The following SH3PXD2B variants were observed in gnomAD, a reference collection of about 807,000 sequenced individuals.
The protein encoded by SH3PXD2B is SH3 and PX domain-containing protein 2B.
A neutral mutation model predicts 73.1 loss-of-function variants in SH3PXD2B; 37 were observed. The observed-to-expected ratio is 0.51, with a 90% CI of 0.39 to 0.67. The LOEUF (loss-of-function observed/expected upper bound fraction) is 0.67. SH3PXD2B is among the 30% of genes least tolerant of loss of function. The pLI, the probability that SH3PXD2B is intolerant of heterozygous loss-of-function variation, is 0.00. For synonymous variants in SH3PXD2B, 457 were observed against 480.5 expected, an observed-to-expected ratio of 0.95 and a Z score of 0.64; for missense variants, 1,053 against 1,197.8, an observed-to-expected ratio of 0.88 and a Z score of 1.78.
chr5:172,454,453 A>T lies in SH3PXD2B; in HGVS notation c.-101T>A. 1.6e-6 allele frequency: 1 copy of T among 627,772 alleles called. No individual in the cohort carries two copies. Among genetic ancestry groups the T allele is most frequent in the Non-Finnish European group, 2.1e-6 (1 of 477,538 alleles). 38.9% of individuals were successfully genotyped at this position (627,772 alleles called of 1,614,324 possible). Reference sequence around the variant, plus strand: ...GCCGCGGGCAGGGAACCTGGAGCTGAGCGCAATCGCAGCCGGGGCCGAGCA... The same window carrying T: ...GCCGCGGGCAGGGAACCTGGAGCTGTGCGCAATCGCAGCCGGGGCCGAGCA... On this transcript the variant is annotated 5_prime_UTR_variant, in exon 1 of 13. Coordinates refer to ENST00000311601, the MANE Select transcript of SH3PXD2B (RefSeq NM_001017995.3).
chr5:172,424,348 G>C (rs1164320852), intron 1 of SH3PXD2B, among the ~76,000 whole-genome samples: 2 of 152,200 alleles, frequency 1.3e-5, no homozygotes, highest in Non-Finnish European at 2.9e-5. Flanking sequence ...GGAGAGGAAG[G>C]CAGTGGCTGT....
chr5:172,360,974 C>A (rs1561903844), intron 7 of SH3PXD2B, among the ~76,000 whole-genome samples: 2 of 152,136 alleles, frequency 1.3e-5, no homozygotes, highest in African/African-American at 2.4e-5. Flanking sequence ...GAACATGGCT[C>A]ACTCGGGCAC....
intron 8 of SH3PXD2B, among the ~76,000 whole-genome samples, 157 bp downstream of exon 8, chr5:172,358,616 C>A (rs910386373): frequency 6.6e-6 from 1 of 152,242 alleles, no homozygotes; most frequent in Admixed American, 6.5e-5. Flanking sequence ...AATACCATGG[C>A]CTGGTTTCTG....
chr5:172,372,545 A>C (rs556448266), intron 6 of SH3PXD2B, among the ~76,000 whole-genome samples: 1 of 152,174 alleles, frequency 6.6e-6, no homozygotes, highest in Non-Finnish European at 1.5e-5. Context: ...GTGAGAATGA[A>C]CTAATATACT....
At chr5:172,434,299 G>A (rs147740142) in intron 1 of SH3PXD2B, among the ~76,000 whole-genome samples, 247 of 152,208 alleles carry the variant, frequency 1.6e-3, no homozygotes, top group African/African-American at 5.7e-3. Context: ...ATCAAGCTTA[G>A]AGGCTCTTGA....
In SH3PXD2B at chr5:172,421,431, A is replaced by G. The variant is rs188193779; in HGVS notation, c.156+985T>C. 5.4e-3 allele frequency among the ~76,000 whole-genome samples: 817 copies of G among 152,334 alleles called. 5 individuals carry two copies. The highest frequency in any genetic ancestry group is 0.018 in the African/African-American group (760 of 41,574). ...TTCATTCACCAAACACTGACTGGAC[A>G]TATACTGTGTGTTAGGCCTTGAATA... On this transcript the variant is annotated intron_variant, in intron 2 of 12. Coordinates refer to ENST00000311601, the MANE Select transcript of SH3PXD2B (RefSeq NM_001017995.3). This position sits in a 1 kb window ranked among gnomAD's most constrained non-coding sequence, Gnocchi z 4.0.
Position 172,405,412 on chromosome 5 carries a change from C to T in SH3PXD2B, c.232+865G>A, listed in dbSNP as rs79146399. ...TTAAAAGCAGACAGCTTTCCCTGAC[C>T]GGTGGCAGAAGGCAAAGTCAGAGGG... On this transcript the variant is annotated intron_variant, in intron 3 of 12. Coordinates refer to ENST00000311601, the MANE Select transcript of SH3PXD2B (RefSeq NM_001017995.3). 4.3e-3 allele frequency among the ~76,000 whole-genome samples: 656 copies of T among 152,302 alleles called. 4 individuals are homozygous for T. The highest frequency in any genetic ancestry group is 5.2e-3 in the Non-Finnish European group (354 of 68,034).
chr5:172,449,034 C>T (rs1295398256), intron 1 of SH3PXD2B, among the ~76,000 whole-genome samples: 2 of 152,208 alleles, frequency 1.3e-5, no homozygotes, highest in African/African-American at 4.8e-5. Flanking sequence ...AGGGCGCAAT[C>T]TACTCTTCCA....
intron 1 of SH3PXD2B, among the ~76,000 whole-genome samples, chr5:172,436,504 T>C (rs1247946373): frequency 6.6e-6 from 1 of 152,180 alleles, no homozygotes; most frequent in Non-Finnish European, 1.5e-5. Flanking sequence ...CTTTGTTCTA[T>C]AGTTAGGGAC....
chr5:172,330,520 T>C (rs527498897), downstream of SH3PXD2B, among the ~76,000 whole-genome samples: 58 of 152,294 alleles, frequency 3.8e-4, no homozygotes, highest in African/African-American at 1.4e-3. Flanking sequence ...GTAAACCCCC[T>C]CTCAGACATT....
At chr5:172,399,272 G>A (rs1001845185) in intron 3 of SH3PXD2B, among the ~76,000 whole-genome samples, 31 of 152,294 alleles carry the variant, frequency 2.0e-4, no homozygotes, top group African/African-American at 6.3e-4. Flanking sequence ...TCCTGAGGCC[G>A]TTACAGTGTT....
intron 3 of SH3PXD2B, among the ~76,000 whole-genome samples, chr5:172,405,342 GAGGGAGA>G (rs1216495317): frequency 1.3e-5 from 2 of 152,248 alleles, no homozygotes; most frequent in Non-Finnish European, 2.9e-5. Flanking sequence ...CACTTTAGAA[GAGGGAGA>G]TTATCCTGGA....
At chr5:172,381,621 T>C (rs568767616) in intron 5 of SH3PXD2B, among the ~76,000 whole-genome samples, 1 of 152,242 alleles carries the variant, frequency 6.6e-6, no homozygotes, top group African/African-American at 2.4e-5. Flanking sequence ...CCCGGCCCCG[T>C]TGCTCACCGG....
chr5:172,364,206 C>T (rs1757459078), intron 6 of SH3PXD2B, among the ~76,000 whole-genome samples: 1 of 152,128 alleles, frequency 6.6e-6, no homozygotes, highest in Non-Finnish European at 1.5e-5. Flanking sequence ...AAGCGGGCAG[C>T]TGGGTGACTT....
At chr5:172,370,757 AAACT>A (rs1757683902) in intron 6 of SH3PXD2B, among the ~76,000 whole-genome samples, 1 of 152,200 alleles carries the variant, frequency 6.6e-6, no homozygotes, top group South Asian at 2.1e-4. Flanking sequence ...CAACTTATTG[AAACT>A]GATGAAAAAA....
At position 172,362,838 on chromosome 5, in the gene SH3PXD2B, G is replaced by A; in HGVS notation, c.459C>T (p.Val153=). The change falls in exon 7 of 13, where the codon GTC becomes GTT. Residue 153 remains valine, a synonymous_variant. Coordinates refer to ENST00000311601, the MANE Select transcript of SH3PXD2B (RefSeq NM_001017995.3). ...GGDQTSVDPM[V]LEQYVVVANY... ...TGGCTACCACCACATACTGCTCCAG[G>A]ACCATGGGGTCCACTGAGGTTTGGT... is the stretch of plus-strand genomic sequence containing the variant. 6.2e-7 allele frequency: 1 copy of A among 1,614,180 alleles called. No individual in the cohort carries two copies. Among genetic ancestry groups the A allele is most frequent in the Non-Finnish European group, 8.5e-7 (1 of 1,180,042 alleles).
At chr5:172,354,126 C>G (rs993158179) in intron 8 of SH3PXD2B, 121 bp from the exon 9 acceptor site, 35 of 946,330 alleles carry the variant, frequency 3.7e-5, no homozygotes, top group Admixed American at 3.0e-4. Flanking sequence ...CTGGGCACCC[C>G]CCCTGGCCCT....
At chr5:172,366,324 T>A (rs1375394100) in intron 6 of SH3PXD2B, among the ~76,000 whole-genome samples, 1 of 152,174 alleles carries the variant, frequency 6.6e-6, no homozygotes, top group Non-Finnish European at 1.5e-5. Flanking sequence ...CTGGTCTCTG[T>A]CCTGCCCCTC....
chr5:172,348,654 C>CTATCTATCTTAT, intron 10 of SH3PXD2B, among the ~76,000 whole-genome samples: 1 of 60,450 alleles, frequency 1.7e-5, no homozygotes, highest in South Asian at 7.4e-4. Context: ...ATCTATCTAT[C>CTATCTATCTTAT]CTATCTATCT....
Sources: gnomAD v4.1 joint callset for allele counts (sites outside exome capture counted in the v4.1 genomes callset) on GRCh38, gnomAD v4.1.1 for gene constraint, Gnocchi (gnomAD v3.1) non-coding constraint, MANE v1.5 for transcripts, NCBI Gene and HGNC (gene_info 2026-07-23, HGNC 2026-07-21) for gene names.